ZNF423: variants seen among roughly 807,000 people sequenced by gnomAD.
ZNF423 encodes the protein zinc finger protein 423, also known as Ebf-associated zinc finger protein.
A neutral mutation model predicts 95.8 loss-of-function variants in ZNF423; 12 were observed. That is an observed-to-expected ratio of 0.13 (90% confidence interval 0.08 to 0.20). ZNF423 has a LOEUF of 0.20. Among genes scored for constraint, ZNF423 ranks in the 10% least tolerant of loss-of-function variants. The pLI is 1.00. For missense variants in ZNF423, 1,316 were observed against 1,737.1 expected, an observed-to-expected ratio of 0.76 and a Z score of 4.31; for synonymous variants, 749 against 711.9, an observed-to-expected ratio of 1.05 and a Z score of -0.83.
intron 5 of ZNF423, among the ~76,000 whole-genome samples, chr16:49,606,265 C>T (rs542161905): frequency 1.6e-4 from 23 of 140,500 alleles, no homozygotes; most frequent in Middle Eastern, 3.5e-3. Context: ...TAATGCCCAC[C>T]GACAGCAGAA....
intron 3 of ZNF423, among the ~76,000 whole-genome samples, chr16:49,726,927 T>C (rs2033034558): frequency 6.7e-6 from 1 of 148,502 alleles, no homozygotes; most frequent in African/African-American, 2.5e-5. Flanking sequence ...TCATAACATG[T>C]TATGTGACAA....
intron 7 of ZNF423, among the ~76,000 whole-genome samples, chr16:49,501,733 T>C (rs1967411005): frequency 6.6e-6 from 1 of 152,062 alleles, no homozygotes; most frequent in Non-Finnish European, 1.5e-5. Context: ...TGCAGCAACA[T>C]GGATGCAGCT....
intron 3 of ZNF423, among the ~76,000 whole-genome samples, chr16:49,678,069 G>A (rs530484635): frequency 2.0e-3 from 310 of 152,116 alleles, no homozygotes; most frequent in African/African-American, 7.1e-3. Flanking sequence ...TGTAATCCCA[G>A]CTACTCGGGA....
rs564335063 is a variant in ZNF423 at position 49,849,710 on chromosome 16, C to T, written c.40+6025G>A. ...GAGGCAGGTTAAAAAAGAAAGAAAA[C>T]GAAACAACAACCACAACAACAAAGG... On this transcript the variant is annotated intron_variant, in intron 1 of 7. Coordinates refer to ENST00000563137, the MANE Select transcript of ZNF423 (RefSeq NM_001379286.1). Among the ~76,000 whole-genome samples, 28 of 152,056 alleles carry T rather than the reference C, an allele frequency of 1.8e-4. No individual in the cohort carries two copies. The East Asian group carries it at 4.3e-3, about 23-fold the overall frequency.
At chr16:49,641,291 C>T (rs1972967641) in intron 3 of ZNF423, among the ~76,000 whole-genome samples, 1 of 152,188 alleles carries the variant, frequency 6.6e-6, no homozygotes, top group South Asian at 2.1e-4. Flanking sequence ...TTCTGGGGGC[C>T]AAACAGTCAA....
At chr16:49,518,546 G>A (rs1968249649) in intron 7 of ZNF423, 2 of 435,860 alleles carry the variant, frequency 4.6e-6, no homozygotes, top group Admixed American at 2.6e-5. Flanking sequence ...TAAATCAGCA[G>A]CTTTCACATC....
At chr16:49,787,935 G>A (rs1380799699) in intron 2 of ZNF423, among the ~76,000 whole-genome samples, 1 of 152,202 alleles carries the variant, frequency 6.6e-6, no homozygotes, top group African/African-American at 2.4e-5. Flanking sequence ...TCTCTCAGGA[G>A]GACTACATGT....
In ZNF423 at chr16:49,489,380, TG is replaced by T. The variant is rs1265278465; in HGVS notation, c.*1894del. On this transcript the variant is annotated 3_prime_UTR_variant, in exon 8 of 8. Transcript: ENST00000563137. ...CGGGTGGGCACACTTAGAGGAACAC[TG>T]GTGTCTACCCTGGGGTCTTCCCCCA... The T allele has an allele frequency of 6.6e-6, 1 of 152,228 alleles. No homozygotes were observed. Among genetic ancestry groups the T allele is most frequent in the Non-Finnish European group, 1.5e-5 (1 of 68,054 alleles). 9.4% of individuals were successfully genotyped at this position (152,228 alleles called of 1,614,324 possible).
chr16:49,651,429 C>T (rs886191143), intron 3 of ZNF423, among the ~76,000 whole-genome samples: 5 of 152,100 alleles, frequency 3.3e-5, no homozygotes, highest in Non-Finnish European at 5.9e-5. Context: ...GGAGGGACCC[C>T]CACCCCCCTG....
chr16:49,631,344 C>T (rs1972488098), intron 4 of ZNF423, among the ~76,000 whole-genome samples: 1 of 152,078 alleles, frequency 6.6e-6, no homozygotes, highest in Non-Finnish European at 1.5e-5. Flanking sequence ...GGCTCACCAG[C>T]CCCCAAACCC....
chr16:49,639,862 T>C (rs1972909879), intron 3 of ZNF423, among the ~76,000 whole-genome samples: 1 of 151,932 alleles, frequency 6.6e-6, no homozygotes, highest in Non-Finnish European at 1.5e-5. Context: ...AACCTAAGGG[T>C]AGGCCGTTTC....
chr16:49,851,550 C>A (rs999049128), intron 1 of ZNF423, among the ~76,000 whole-genome samples: 4 of 152,236 alleles, frequency 2.6e-5, no homozygotes, highest in African/African-American at 9.7e-5. Flanking sequence ...TCAAGTGCTC[C>A]AGTTTCCTGC....
chr16:49,798,907 G>C (rs2034540002), intron 1 of ZNF423, among the ~76,000 whole-genome samples: 1 of 152,190 alleles, frequency 6.6e-6, no homozygotes, highest in African/African-American at 2.4e-5. Flanking sequence ...ATATAAAATA[G>C]AACAGAAAGA....
chr16:49,610,873 A>G (rs1971699686), intron 5 of ZNF423, among the ~76,000 whole-genome samples: 1 of 152,070 alleles, frequency 6.6e-6, no homozygotes, highest in Admixed American at 6.5e-5. Flanking sequence ...GGCTATATTA[A>G]TATTATATAA....
At chr16:49,554,259 C>A (rs747407564) in intron 5 of ZNF423, among the ~76,000 whole-genome samples, 6 of 152,262 alleles carry the variant, frequency 3.9e-5, no homozygotes, top group Admixed American at 1.3e-4. Context: ...ATCCTAGATC[C>A]TCAGGTAGTA....
intron 2 of ZNF423, chr16:49,780,683 G>T: frequency 6.6e-6 from 1 of 152,326 alleles, no homozygotes; most frequent in Non-Finnish European, 1.5e-5. Flanking sequence ...CAACCCGCCA[G>T]CGCATGCCTG....
At chr16:49,541,974 G>A (rs28396514) in intron 5 of ZNF423, among the ~76,000 whole-genome samples, 13,471 of 152,254 alleles carry the variant, frequency 0.088, 841 homozygotes, top group African/African-American at 0.17. Context: ...GCATGAGAGC[G>A]AAGTAATACA....
At chr16:49,617,034 C>T (rs1971899713) in intron 5 of ZNF423, among the ~76,000 whole-genome samples, 1 of 152,186 alleles carries the variant, frequency 6.6e-6, no homozygotes, top group Non-Finnish European at 1.5e-5. Flanking sequence ...TGTGCTGCCC[C>T]TTCTTGTGGA....
intron 3 of ZNF423, among the ~76,000 whole-genome samples, chr16:49,698,648 G>A (rs1053515082): frequency 2.0e-5 from 3 of 152,112 alleles, no homozygotes; most frequent in Admixed American, 2.0e-4. Context: ...CCTGGCAAGC[G>A]GTGGGCCCGG....
Sources: gnomAD v4.1 joint callset for allele counts (sites outside exome capture counted in the v4.1 genomes callset) on GRCh38, gnomAD v4.1.1 for gene constraint, MANE v1.5 for transcripts, NCBI Gene and HGNC (gene_info 2026-07-23, HGNC 2026-07-21) for gene names.